Variants in SGMS1 observed in about 807,000 individuals in gnomAD.
The protein encoded by SGMS1 is sphingomyelin synthase 1.
A neutral mutation model predicts 46.2 loss-of-function variants in SGMS1; 13 were observed. The ratio of observed to expected loss-of-function variants is 0.28; its 90% CI spans 0.18 to 0.45. The LOEUF (loss-of-function observed/expected upper bound fraction) is 0.45, where lower values mean the gene tolerates loss of function less well. SGMS1 is among the 20% of genes least tolerant of loss of function. SGMS1 has a pLI of 1.00. For missense variants in SGMS1, 324 were observed against 519.9 expected, an observed-to-expected ratio of 0.62 and a Z score of 3.66; for synonymous variants, 203 against 187.8, an observed-to-expected ratio of 1.08 and a Z score of -0.66.
chr10:50,582,432 C>A (rs10218880), intron 2 of SGMS1, among the ~76,000 whole-genome samples: 11,456 of 152,190 alleles, frequency 0.075, 1,285 homozygotes, highest in African/African-American at 0.25. Flanking sequence ...GGCTGGCGGT[C>A]GTGAGAGCAG....
At chr10:50,317,005 A>C (rs1250596732) in intron 8 of SGMS1, among the ~76,000 whole-genome samples, 1 of 152,192 alleles carries the variant, frequency 6.6e-6, no homozygotes, top group African/African-American at 2.4e-5. Context: ...AGTATTTTTC[A>C]ATGCTAACAC....
chr10:50,413,522 C>T (rs1589429962), intron 6 of SGMS1, among the ~76,000 whole-genome samples: 2 of 152,186 alleles, frequency 1.3e-5, no homozygotes, highest in Admixed American at 6.5e-5. Flanking sequence ...ATTTCTCGAC[C>T]ATAACACTAC....
intron 2 of SGMS1, among the ~76,000 whole-genome samples, chr10:50,587,454 GA>G (rs1398516792): frequency 6.6e-6 from 1 of 152,166 alleles, no homozygotes; most frequent in African/African-American, 2.4e-5. Context: ...CCAATATGGT[GA>G]AACCGTGTCT....
intron 3 of SGMS1, among the ~76,000 whole-genome samples, chr10:50,475,449 T>C (rs1483343739): frequency 6.6e-6 from 1 of 152,208 alleles, no homozygotes; most frequent in African/African-American, 2.4e-5. Flanking sequence ...TCTTTAGCAG[T>C]AACAGTCCAT....
At chr10:50,321,435 T>C (rs996278458) in intron 8 of SGMS1, among the ~76,000 whole-genome samples, 4 of 152,200 alleles carry the variant, frequency 2.6e-5, no homozygotes, top group Non-Finnish European at 5.9e-5. Context: ...ATTTAGAACA[T>C]TGCTATCTTT....
intron 6 of SGMS1, among the ~76,000 whole-genome samples, chr10:50,416,887 G>C (rs934015940): frequency 7.5e-6 from 1 of 133,662 alleles, no homozygotes; most frequent in African/African-American, 2.8e-5. Context: ...TCTTTCTCTC[G>C]CTAAAAAAAG....
intron 6 of SGMS1, among the ~76,000 whole-genome samples, chr10:50,354,922 C>T (rs1434753655): frequency 6.6e-6 from 1 of 152,122 alleles, no homozygotes; most frequent in Non-Finnish European, 1.5e-5. Context: ...GAATGGAGAT[C>T]ATTAAAAAGT....
intron 6 of SGMS1, among the ~76,000 whole-genome samples, chr10:50,416,147 T>C (rs1849166320): frequency 6.6e-6 from 1 of 152,208 alleles, no homozygotes; most frequent in African/African-American, 2.4e-5. Flanking sequence ...TTTAAATCAC[T>C]TAAAAATCTG....
intron 6 of SGMS1, among the ~76,000 whole-genome samples, chr10:50,359,340 C>T (rs115671262): frequency 1.3e-5 from 2 of 152,116 alleles, no homozygotes; most frequent in African/African-American, 4.8e-5. Context: ...ATAACTTATG[C>T]AATTGATAGT....
At chr10:50,517,403 A>G (rs899858523) in intron 3 of SGMS1, among the ~76,000 whole-genome samples, 2 of 152,342 alleles carry the variant, frequency 1.3e-5, no homozygotes, top group South Asian at 4.1e-4. Flanking sequence ...TTTGAATTAA[A>G]AAGTCAATGG....
intron 2 of SGMS1, among the ~76,000 whole-genome samples, chr10:50,543,380 T>C (rs1838072778): frequency 6.6e-6 from 1 of 152,132 alleles, no homozygotes; most frequent in African/African-American, 2.4e-5. Context: ...AAAGCCAAGG[T>C]GAGTAGATAT....
chr10:50,501,527 A>G (rs1360717644), intron 3 of SGMS1, among the ~76,000 whole-genome samples: 3 of 152,222 alleles, frequency 2.0e-5, no homozygotes, highest in Non-Finnish European at 4.4e-5. Flanking sequence ...AGATAATTCT[A>G]TATGATTCAC....
intron 9 of SGMS1, among the ~76,000 whole-genome samples, chr10:50,310,172 C>T (rs1847232452): frequency 6.6e-6 from 1 of 152,122 alleles, no homozygotes; most frequent in Admixed American, 6.5e-5. Flanking sequence ...ATTATTACCC[C>T]TACTCTGAAT....
chr10:50,504,700 AT>A (rs1004121414), intron 3 of SGMS1, among the ~76,000 whole-genome samples: 27 of 150,166 alleles, frequency 1.8e-4, no homozygotes, highest in East Asian at 7.8e-4. Flanking sequence ...AATCCTGTTC[AT>A]TTTTTTTTTA....
At chr10:50,568,892 C>T (rs1183749020) in intron 2 of SGMS1, among the ~76,000 whole-genome samples, 3 of 151,872 alleles carry the variant, frequency 2.0e-5, no homozygotes, top group Non-Finnish European at 4.4e-5. Context: ...AGACTTGGAA[C>T]CAACCCAAAC....
At chr10:50,538,582 C>G (rs1381018903) in intron 2 of SGMS1, among the ~76,000 whole-genome samples, 1 of 152,160 alleles carries the variant, frequency 6.6e-6, no homozygotes, top group African/African-American at 2.4e-5. Context: ...CATCCCACAC[C>G]CTCAGGACAT....
In SGMS1 at chr10:50,587,649, G is replaced by A. The variant is rs1034592630; in HGVS notation, c.-589+2504C>T. Among the ~76,000 whole-genome samples, 9 of 150,992 alleles carry A rather than the reference G, an allele frequency of 6.0e-5. No homozygotes were observed. The East Asian group carries it at 1.6e-3, about 26-fold the overall frequency. ...AAAATATATATGTGTGTGTGTGTGT[G>A]TGTGTGTGTGTGTGTGTGTGTGTGT... is the stretch of plus-strand genomic sequence containing the variant. On this transcript the variant is annotated intron_variant, in intron 2 of 10. Coordinates refer to ENST00000361781, the MANE Select transcript of SGMS1 (RefSeq NM_147156.4).
intron 6 of SGMS1, among the ~76,000 whole-genome samples, chr10:50,418,639 G>GA (rs1409683791): frequency 6.6e-6 from 1 of 152,196 alleles, no homozygotes; most frequent in Non-Finnish European, 1.5e-5. Context: ...GGTTGCCTTT[G>GA]AAAACGCTTG....
chr10:50,462,336 T>C (rs1837275445), intron 4 of SGMS1, among the ~76,000 whole-genome samples: 1 of 152,108 alleles, frequency 6.6e-6, no homozygotes, highest in Non-Finnish European at 1.5e-5. Flanking sequence ...CAACATATGG[T>C]TTATAAACCC....
Sources: allele counts gnomAD v4.1 joint callset (sites outside exome capture counted in the v4.1 genomes callset), GRCh38; gene constraint gnomAD v4.1.1; transcripts MANE v1.5; gene names NCBI Gene and HGNC (gene_info 2026-07-23, HGNC 2026-07-21).